Variants in SSU72 observed in about 807,000 individuals in gnomAD.
The protein encoded by SSU72 is RNA polymerase II subunit A C-terminal domain phosphatase SSU72.
A neutral mutation model predicts 22.7 loss-of-function variants in SSU72; 12 were observed. The observed-to-expected ratio is 0.53, with a 90% CI of 0.34 to 0.86. The LOEUF is 0.86. Among genes scored for constraint, SSU72 ranks in the 40% least tolerant of loss-of-function variants. The probability of loss-of-function intolerance (pLI) is 0.02; values close to 1 mark genes in which losing one functional copy is unlikely to be tolerated. For synonymous variants in SSU72, 116 were observed against 98.3 expected, an observed-to-expected ratio of 1.18 and a Z score of -1.06; for missense variants, 151 against 249.8, an observed-to-expected ratio of 0.60 and a Z score of 2.67.
chr1:1,554,752 A>G lies in SSU72; in HGVS notation c.225-9750T>C, dbSNP rs1642499419. Among the ~76,000 whole-genome samples the G allele has an allele frequency of 6.6e-6, 1 of 152,074 alleles. No individual in the cohort carries two copies. Among genetic ancestry groups the G allele is most frequent in the African/African-American group, 2.4e-5 (1 of 41,416 alleles). Reference sequence around the variant, plus strand: ...CCACGGCCTGGGAAAAAGCCATGTCAGGTGCAGCACGCTGGCCACAGGCAC... The same window carrying G: ...CCACGGCCTGGGAAAAAGCCATGTCGGGTGCAGCACGCTGGCCACAGGCAC... On this transcript the variant is annotated intron_variant, in intron 2 of 4. Coordinates refer to ENST00000291386, the MANE Select transcript of SSU72 (RefSeq NM_014188.3). This position sits in a 1 kb window ranked among gnomAD's most constrained non-coding sequence, Gnocchi z 4.1.
chr1:1,558,727 G>A (rs28620986), intron 2 of SSU72, among the ~76,000 whole-genome samples: 4 of 48,236 alleles, frequency 8.3e-5, no homozygotes, highest in African/African-American at 8.3e-4. Flanking sequence ...TCCCTGGAGC[G>A]GGGGAACTGT....
rs1274608340 is a variant in SSU72 at position 1,542,636 on chromosome 1, G to A, written c.484-469C>T. On this transcript the variant is annotated intron_variant, in intron 4 of 4. Transcript: ENST00000291386. The surrounding 1 kb of genome is among the most constrained non-coding windows in gnomAD (Gnocchi z 4.4). ...GCAGGCCCGGCTCCTAGGCACACCT[G>A]CCCTGGCACCGGCAGCTCGTTACTC... Among the ~76,000 whole-genome samples, 3 of 152,116 alleles carry A rather than the reference G, an allele frequency of 2.0e-5. No individual in the cohort carries two copies. Among genetic ancestry groups the A allele is most frequent in the African/African-American group, 7.2e-5 (3 of 41,424 alleles).
rs191592356 is a variant in SSU72 at position 1,556,412 on chromosome 1, C to T, written c.224+8361G>A. Among the ~76,000 whole-genome samples the T allele has an allele frequency of 3.0e-3, 454 of 152,054 alleles. 2 individuals carry two copies. The highest frequency in any genetic ancestry group is 0.017 in the Middle Eastern group (5 of 294). On this transcript the variant is annotated intron_variant, in intron 2 of 4. Transcript: ENST00000291386. ...AAAATTAGCCGGACGTGGTGGGGGG[C>T]GCCCGTAATCCCAGCTACTTGCGGG...
At chr1:1,571,796 T>A (rs955516731) in intron 1 of SSU72, among the ~76,000 whole-genome samples, 1 of 150,432 alleles carries the variant, frequency 6.6e-6, no homozygotes, top group Non-Finnish European at 1.5e-5. Context: ...GCTAAATAAT[T>A]TTTTTTTTTG....
chr1:1,552,460 T>C (rs1037038003), intron 2 of SSU72, among the ~76,000 whole-genome samples: 6 of 152,172 alleles, frequency 3.9e-5, no homozygotes, highest in South Asian at 4.1e-4. Context: ...AATGATCCGG[T>C]GTGACTGACA....
At chr1:1,556,413 G>A (rs537909056) in intron 2 of SSU72, among the ~76,000 whole-genome samples, 4 of 152,058 alleles carry the variant, frequency 2.6e-5, no homozygotes, top group South Asian at 4.2e-4. Flanking sequence ...GGTGGGGGGC[G>A]CCCGTAATCC....
chr1:1,571,127 C>T (rs1642725236), intron 1 of SSU72, among the ~76,000 whole-genome samples: 1 of 151,896 alleles, frequency 6.6e-6, no homozygotes, highest in Non-Finnish European at 1.5e-5. Context: ...TGCCTGTAGT[C>T]CCAGTTACTC....
chr1:1,558,097 G>A (rs1642542442), intron 2 of SSU72, among the ~76,000 whole-genome samples: 1 of 151,982 alleles, frequency 6.6e-6, no homozygotes, highest in Non-Finnish European at 1.5e-5. Flanking sequence ...AGCTACTCGG[G>A]AGGCTGAGGC....
rs150797936 is a variant in SSU72, at chr1:1,554,691, G to A, written c.225-9689C>T. ...AAAGGGAACCCACAGGCACTGCCACGCCAGTGTGGCTGGCACCAGGGACCG... is the reference window on the plus strand; with the variant it reads ...AAAGGGAACCCACAGGCACTGCCACACCAGTGTGGCTGGCACCAGGGACCG... On this transcript the variant is annotated intron_variant, in intron 2 of 4. Coordinates refer to ENST00000291386, the MANE Select transcript of SSU72 (RefSeq NM_014188.3). This position sits in a 1 kb window ranked among gnomAD's most constrained non-coding sequence, Gnocchi z 4.1. 0.011 allele frequency among the ~76,000 whole-genome samples: 1,692 copies of A among 152,120 alleles called. 19 individuals are homozygous for A. The highest frequency in any genetic ancestry group is 0.037 in the Admixed American group (565 of 15,266).
chr1:1,547,329 T>C (rs1479800962), intron 2 of SSU72, among the ~76,000 whole-genome samples: 1 of 152,254 alleles, frequency 6.6e-6, no homozygotes, highest in African/African-American at 2.4e-5. Flanking sequence ...AGTCCTTTCC[T>C]CCTTTACGTC....
chr1:1,569,781 C>T (rs1040490758), intron 1 of SSU72, among the ~76,000 whole-genome samples: 3 of 152,120 alleles, frequency 2.0e-5, no homozygotes, highest in South Asian at 2.1e-4. Flanking sequence ...GACTATAGGC[C>T]GAAGAGCCAC....
intron 2 of SSU72, among the ~76,000 whole-genome samples, chr1:1,559,338 T>C (rs1642557294): frequency 6.6e-6 from 1 of 152,142 alleles, no homozygotes. Flanking sequence ...GCAAACGGCC[T>C]TGGGAGACGA....
intron 3 of SSU72, 109 bp from the exon 4 acceptor site, chr1:1,544,096 G>A: frequency 2.5e-6 from 2 of 799,680 alleles, no homozygotes; most frequent in South Asian, 1.6e-5. Context: ...CCCAGCCCCA[G>A]TGGTTTCTGG....
At chr1:1,565,811 A>G (rs1642654904) in intron 1 of SSU72, among the ~76,000 whole-genome samples, 1 of 150,196 alleles carries the variant, frequency 6.7e-6, no homozygotes, top group Admixed American at 6.7e-5. Flanking sequence ...CTGAACAGGA[A>G]ACGTGTGTCA....
At chr1:1,548,309 A>G (rs1319579537) in intron 2 of SSU72, among the ~76,000 whole-genome samples, 1 of 152,194 alleles carries the variant, frequency 6.6e-6, no homozygotes, top group Non-Finnish European at 1.5e-5. Context: ...CTGTAATCCC[A>G]GCACTTTGGG....
At chr1:1,565,863 G>C (rs1642655271) in intron 1 of SSU72, among the ~76,000 whole-genome samples, 1 of 152,226 alleles carries the variant, frequency 6.6e-6, no homozygotes, top group Admixed American at 6.5e-5. Flanking sequence ...GAGAAAGAGA[G>C]GTCGTCTCCA....
chr1:1,555,860 G>A (rs1038852890), intron 2 of SSU72, among the ~76,000 whole-genome samples: 3 of 152,104 alleles, frequency 2.0e-5, no homozygotes, highest in African/African-American at 7.2e-5. Context: ...CAGGCCAGGT[G>A]GGGTGGCTCA....
chr1:1,541,919 G>T lies in SSU72; in HGVS notation c.*147C>A. 1.5e-6 allele frequency: 1 copy of T among 666,970 alleles called. No homozygotes were observed. Among genetic ancestry groups the T allele is most frequent in the Non-Finnish European group, 2.5e-6 (1 of 392,908 alleles). The allele number at this position is 666,970 out of a possible 1,614,324, so 41.3% of individuals were successfully genotyped here. Reference sequence around the variant, plus strand: ...CTTGATTGCTTTCATCTGGCGTTTTGGCATCTCCTCTCCCATTTCATATGC... The same window carrying T: ...CTTGATTGCTTTCATCTGGCGTTTTTGCATCTCCTCTCCCATTTCATATGC... On this transcript the variant is annotated 3_prime_UTR_variant, in exon 5 of 5. Coordinates refer to ENST00000291386, the MANE Select transcript of SSU72 (RefSeq NM_014188.3).
chr1:1,556,608 A>C (rs1642524766), intron 2 of SSU72, among the ~76,000 whole-genome samples: 1 of 152,198 alleles, frequency 6.6e-6, no homozygotes, highest in Non-Finnish European at 1.5e-5. Context: ...CTGCACAAAC[A>C]GAACTCAGGA....
Sources: allele counts gnomAD v4.1 joint callset (sites outside exome capture counted in the v4.1 genomes callset), GRCh38; gene constraint gnomAD v4.1.1; non-coding constraint Gnocchi (gnomAD v3.1); transcripts MANE v1.5; gene names NCBI Gene and HGNC (gene_info 2026-07-23, HGNC 2026-07-21).